DNMT3A: variants seen among roughly 807,000 people sequenced by gnomAD.
The protein encoded by DNMT3A is DNA (cytosine-5)-methyltransferase 3A.
Under a neutral mutation model 117.6 loss-of-function variants are expected in DNMT3A, and 267 were observed. That is an observed-to-expected ratio of 2.27 (90% CI 2.05 to 2.51). The LOEUF is 2.51. Among genes scored for constraint, DNMT3A ranks in the 30% most tolerant of loss-of-function variants. The probability of loss-of-function intolerance (pLI) is 0.00; values close to 1 mark genes in which losing one functional copy is unlikely to be tolerated. For synonymous variants in DNMT3A, 432 were observed against 474.8 expected (o/e 0.91, Z 1.17); for missense variants, 1,029 against 1,260.2 (o/e 0.82, Z 2.78).
chr2:25,338,838 A>C (rs552217081), intron 1 of DNMT3A, among the ~76,000 whole-genome samples: 1 of 152,318 alleles, frequency 6.6e-6, no homozygotes, highest in South Asian at 2.1e-4. Flanking sequence ...AACCACTGGC[A>C]GAGGTGGGTG....
At position 25,294,103 on chromosome 2, in the gene DNMT3A, T is replaced by A. The variant is rs2032945233; in HGVS notation, c.177+6036A>T. Among the ~76,000 whole-genome samples the A allele has an allele frequency of 6.6e-6, 1 of 152,188 alleles. No homozygotes were observed. The stretch of plus-strand genomic sequence containing the variant: ...TTCCTTCCTCCACACCCAGCTCAGC[T>A]GGGGTCGGGGGTGCCTCTCACTTTC... On this transcript the variant is annotated intron_variant, in intron 3 of 22. Transcript: ENST00000321117. The surrounding 1 kb of genome is among the most constrained non-coding windows in gnomAD (Gnocchi z 4.7).
intron 1 of DNMT3A, among the ~76,000 whole-genome samples, chr2:25,329,898 C>T (rs2034951131): frequency 6.6e-6 from 1 of 152,208 alleles, no homozygotes; most frequent in South Asian, 2.1e-4. Flanking sequence ...GCACATTTCA[C>T]CTACTGTATG....
intron 6 of DNMT3A, among the ~76,000 whole-genome samples, chr2:25,256,006 C>A: frequency 6.6e-6 from 1 of 152,156 alleles, no homozygotes; most frequent in Non-Finnish European, 1.5e-5. Flanking sequence ...TTGCTGTCAT[C>A]CCACCAGGAC....
chr2:25,328,450 C>T (rs1023873350), intron 1 of DNMT3A, among the ~76,000 whole-genome samples: 1 of 152,126 alleles, frequency 6.6e-6, no homozygotes, highest in Admixed American at 6.5e-5. Flanking sequence ...CAACATCTCT[C>T]CTCCCCCAAA....
At chr2:25,266,183 A>G (rs190077712) in intron 6 of DNMT3A, among the ~76,000 whole-genome samples, 1 of 152,360 alleles carries the variant, frequency 6.6e-6, no homozygotes, top group East Asian at 1.9e-4. Context: ...ACTACTGCTT[A>G]CAGGCTGTCA....
At chr2:25,332,356 C>T (rs1458980107) in intron 1 of DNMT3A, among the ~76,000 whole-genome samples, 1 of 152,194 alleles carries the variant, frequency 6.6e-6, no homozygotes, top group Non-Finnish European at 1.5e-5. Flanking sequence ...TTAGAAAGCC[C>T]TTCCAGATCT....
In DNMT3A at chr2:25,299,151, G is replaced by C. The variant is rs549224977; in HGVS notation, c.177+988C>G. 7.2e-5 allele frequency among the ~76,000 whole-genome samples: 11 copies of C among 152,356 alleles called. No individual in the cohort carries two copies. The South Asian group carries it at 2.3e-3, about 32-fold the overall frequency. On this transcript the variant is annotated intron_variant, in intron 3 of 22. Coordinates refer to ENST00000321117, the MANE Select transcript of DNMT3A (RefSeq NM_022552.5). Reference sequence around the variant, plus strand: ...TAAAAGAAAGGAACCAGCTGTCTCTGGTGCTGGGAAATAATGACTGCTCCA... The same window carrying C: ...TAAAAGAAAGGAACCAGCTGTCTCTCGTGCTGGGAAATAATGACTGCTCCA...
intron 2 of DNMT3A, among the ~76,000 whole-genome samples, chr2:25,300,751 ATATATATATATATATAT>A (rs2033455618): frequency 6.6e-5 from 4 of 60,378 alleles, no homozygotes; most frequent in Non-Finnish European, 1.2e-4. Flanking sequence ...ATATATATAT[ATATATATATATATATAT>A]AAATAATACA....
chr2:25,311,435 G>A lies in DNMT3A; in HGVS notation c.72+2478C>T, dbSNP rs926466198. 6.6e-6 allele frequency among the ~76,000 whole-genome samples: 1 copy of A among 152,190 alleles called. No homozygotes were observed. The highest frequency in any genetic ancestry group is 1.9e-4 in the East Asian group (1 of 5,186). On this transcript the variant is annotated intron_variant, in intron 2 of 22. Transcript: ENST00000321117. The surrounding 1 kb of genome is among the most constrained non-coding windows in gnomAD (Gnocchi z 5.2). ...GTGCTGGAGCCAGCCCAGAGGTGCC[G>A]GGGAAGTGTGCCAGGTGAGCCAGCA...
intron 22 of DNMT3A, among the ~76,000 whole-genome samples, chr2:25,235,031 A>G (rs1032883882): frequency 6.6e-6 from 1 of 152,144 alleles, no homozygotes; most frequent in African/African-American, 2.4e-5. Context: ...CAGGGTGTTG[A>G]GGCTGCGAGG....
At position 25,247,721 on chromosome 2, in the gene DNMT3A, A is replaced by G. The variant is rs1674993563; in HGVS notation, c.884T>C (p.Leu295Pro). 6 of 1,612,288 alleles carry G rather than the reference A, an allele frequency of 3.7e-6. No individual in the cohort carries two copies. Among genetic ancestry groups the G allele is most frequent in the African/African-American group, 1.3e-5 (1 of 74,532 alleles). The stretch of plus-strand genomic sequence containing the variant: ...GAAGCCCCGCAGTTTCCCCCACACC[A>G]GCTCCCCAATGCCAAAGCCCCGGCC... ...EDGRGFGIGE[L>P]VWGKLRGFSW... Residue 295 changes from leucine to proline, a missense_variant, in exon 8 of 23, where the codon CTG becomes CCG. Leu to Pro is a moderately conservative substitution (Grantham distance 98). Coordinates refer to ENST00000321117, the MANE Select transcript of DNMT3A (RefSeq NM_022552.5). This position sits in a 1 kb window ranked among gnomAD's most constrained non-coding sequence, Gnocchi z 5.6.
At chr2:25,241,766 C>T (rs79074434) in intron 16 of DNMT3A, 59 bp from the exon 17 acceptor site, 103 of 1,587,764 alleles carry the variant, frequency 6.5e-5, no homozygotes, top group East Asian at 1.2e-4. Flanking sequence ...ACCCTGGTCT[C>T]GGCAGGTGAG....
Position 25,228,020 on chromosome 2 carries a change from T to C in DNMT3A, c.*6259A>G, listed in dbSNP as rs1275227752. 1.3e-5 allele frequency: 2 copies of C among 151,384 alleles called. No homozygotes were observed. Among genetic ancestry groups the C allele is most frequent in the African/African-American group, 4.9e-5 (2 of 41,190 alleles). The allele number at this position is 151,384 out of a possible 1,614,324, so 9.4% of individuals were successfully genotyped here. On this transcript the variant is annotated 3_prime_UTR_variant, in exon 23 of 23. Transcript: ENST00000321117. ...AGACTTTCTACATCTGTTGTACGCA[T>C]TGACCTCTTTAATTATTTCATAAAC...
At position 25,305,050 on chromosome 2, in the gene DNMT3A, G is replaced by C. The variant is rs1045202572; in HGVS notation, c.73-4807C>G. On this transcript the variant is annotated intron_variant, in intron 2 of 22. Coordinates refer to ENST00000321117, the MANE Select transcript of DNMT3A (RefSeq NM_022552.5). The surrounding 1 kb of genome is among the most constrained non-coding windows in gnomAD (Gnocchi z 4.1). ...GCCTAGACGGATGCATTTAGTCCAAGGCAGGCACTTGATGAATGACTGTCA... is the reference window on the plus strand; with the variant it reads ...GCCTAGACGGATGCATTTAGTCCAACGCAGGCACTTGATGAATGACTGTCA... 6.6e-6 allele frequency among the ~76,000 whole-genome samples: 1 copy of C among 152,198 alleles called. No individual in the cohort carries two copies. Among genetic ancestry groups the C allele is most frequent in the African/African-American group, 2.4e-5 (1 of 41,454 alleles).
intron 2 of DNMT3A, among the ~76,000 whole-genome samples, chr2:25,310,216 G>C (rs542472995): frequency 2.0e-5 from 3 of 152,056 alleles, no homozygotes; most frequent in Non-Finnish European, 4.4e-5. Context: ...ATTCATATTT[G>C]GGGATCTGAG....
In DNMT3A at chr2:25,246,791, G is replaced by A. The variant is rs758685651; in HGVS notation, c.1123-15C>T. The A allele has an allele frequency of 1.1e-5, 18 of 1,611,384 alleles. No individual in the cohort carries two copies. The African/African-American group carries it at 1.2e-4, about 11-fold the overall frequency. On this transcript the variant is annotated splice_polypyrimidine_tract_variant and intron_variant, in intron 9 of 22. Transcript: ENST00000321117. ...CTGCTGGCCACCTGGAGGGTGACAC[G>A]CCAGGGTTGGGGTTGTCAGGACAGG...
intron 13 of DNMT3A, 44 bp downstream of exon 13, chr2:25,245,209 G>A (rs1377003015): frequency 6.3e-7 from 1 of 1,588,732 alleles, no homozygotes; most frequent in Non-Finnish European, 8.6e-7. Flanking sequence ...GAAGGCCGAA[G>A]GGCCGGCCTC....
At chr2:25,332,100 G>A (rs1458149384) in intron 1 of DNMT3A, among the ~76,000 whole-genome samples, 1 of 152,152 alleles carries the variant, frequency 6.6e-6, no homozygotes, top group Non-Finnish European at 1.5e-5. Flanking sequence ...TTCCACCCGG[G>A]CTCCCTGCCC....
chr2:25,262,415 A>T (rs965313355), intron 6 of DNMT3A, among the ~76,000 whole-genome samples: 3 of 152,186 alleles, frequency 2.0e-5, no homozygotes, highest in African/African-American at 7.2e-5. Context: ...TCATCAGAAT[A>T]CATAAGAAAA....
Sources: gnomAD v4.1 joint callset for allele counts (sites outside exome capture counted in the v4.1 genomes callset) on GRCh38, gnomAD v4.1.1 for gene constraint, Gnocchi (gnomAD v3.1) non-coding constraint, MANE v1.5 for transcripts, NCBI Gene and HGNC (gene_info 2026-07-23, HGNC 2026-07-21) for gene names.